ARHGAP15: variants seen among roughly 807,000 people sequenced by gnomAD.
ARHGAP15 encodes rho GTPase-activating protein 15.
Under a neutral mutation model 63.7 loss-of-function variants are expected in ARHGAP15, and 51 were observed. The observed-to-expected ratio is 0.80, with a 90% CI of 0.64 to 1.01. ARHGAP15 has a LOEUF of 1.01. Among genes scored for constraint, ARHGAP15 ranks in the 50% least tolerant of loss-of-function variants. The pLI, the probability that ARHGAP15 is intolerant of heterozygous loss-of-function variation, is 0.00. For synonymous variants in ARHGAP15, 191 were observed against 193.8 expected (o/e 0.99, Z 0.12); for missense variants, 560 against 564.6 (o/e 0.99, Z 0.08).
intron 10 of ARHGAP15, among the ~76,000 whole-genome samples, chr2:143,556,124 A>G (rs1422306956): frequency 1.3e-5 from 2 of 152,012 alleles, no homozygotes; most frequent in Non-Finnish European, 2.9e-5. Flanking sequence ...TTGGATTCCT[A>G]TATTTTCCTT....
At chr2:143,692,359 A>T (rs567995187) in intron 12 of ARHGAP15, among the ~76,000 whole-genome samples, 1 of 152,200 alleles carries the variant, frequency 6.6e-6, no homozygotes, top group Non-Finnish European at 1.5e-5. Context: ...GTCTGCCTGC[A>T]CTGTGCCTGG....
At position 143,266,409 on chromosome 2, in the gene ARHGAP15, T is replaced by TA. The variant is rs1405245235; in HGVS notation, c.474+15810dup. On this transcript the variant is annotated intron_variant, in intron 6 of 13. Transcript: ENST00000295095. ...GCAAGTAACTAAGACTTGGATTATGTAGAGTGCTTACTTTCTATTGGTGAA... is the reference window on the plus strand; with the variant it reads ...GCAAGTAACTAAGACTTGGATTATGTAAGAGTGCTTACTTTCTATTGGTGAA... Among the ~76,000 whole-genome samples, 6 of 152,290 alleles carry TA rather than the reference T, an allele frequency of 3.9e-5. No homozygotes were observed. In the East Asian group the frequency reaches 9.6e-4, roughly 24 times the overall value.
In ARHGAP15 at chr2:143,280,363, G is replaced by A. The variant is rs114662829; in HGVS notation, c.474+29763G>A. Among the ~76,000 whole-genome samples the A allele has an allele frequency of 6.3e-3, 951 of 152,154 alleles. 9 individuals carry two copies. The highest frequency in any genetic ancestry group is 0.02 in the African/African-American group (831 of 41,522). On this transcript the variant is annotated intron_variant, in intron 6 of 13. Transcript: ENST00000295095. ...TTAGGGGAAAAGCCTTTACCTTGCC[G>A]GAGGATAGAGTGAAGAAGAAAATCA... is the stretch of plus-strand genomic sequence containing the variant.
intron 12 of ARHGAP15, among the ~76,000 whole-genome samples, chr2:143,664,029 C>G (rs1309855551): frequency 8.6e-5 from 13 of 150,872 alleles, no homozygotes; most frequent in Non-Finnish European, 1.6e-4. Context: ...CAAGGATACC[C>G]AGGAATTGAA....
At chr2:143,552,305 G>A (rs904469870) in intron 10 of ARHGAP15, among the ~76,000 whole-genome samples, 2 of 152,002 alleles carry the variant, frequency 1.3e-5, no homozygotes, top group Non-Finnish European at 1.5e-5. Context: ...CCATCATTCG[G>A]GCTACCAAAA....
intron 8 of ARHGAP15, among the ~76,000 whole-genome samples, chr2:143,446,898 A>G (rs1346882719): frequency 2.0e-5 from 3 of 151,302 alleles, no homozygotes; most frequent in Non-Finnish European, 1.5e-5. Context: ...TTGTTCTTGC[A>G]ATAGTTTGCT....
intron 13 of ARHGAP15, among the ~76,000 whole-genome samples, chr2:143,766,444 A>G (rs1312399935): frequency 6.6e-5 from 10 of 152,152 alleles, no homozygotes; most frequent in Non-Finnish European, 1.3e-4. Flanking sequence ...ATTTTACTTC[A>G]CAATGGCCCC....
intron 11 of ARHGAP15, among the ~76,000 whole-genome samples, chr2:143,569,414 G>A (rs1696366723): frequency 6.6e-6 from 1 of 152,170 alleles, no homozygotes; most frequent in Non-Finnish European, 1.5e-5. Context: ...GGGTGAGGTG[G>A]CCCTTGATTA....
At chr2:143,724,935 A>C (rs1685215282) in intron 13 of ARHGAP15, among the ~76,000 whole-genome samples, 1 of 152,226 alleles carries the variant, frequency 6.6e-6, no homozygotes, top group East Asian at 1.9e-4. Context: ...TTCAATCAGA[A>C]ATGTCTAATA....
chr2:143,702,134 C>G (rs1328546492), intron 12 of ARHGAP15, among the ~76,000 whole-genome samples: 1 of 152,150 alleles, frequency 6.6e-6, no homozygotes, highest in Non-Finnish European at 1.5e-5. Flanking sequence ...TATTTTCCAG[C>G]TGTGGCCTGT....
intron 11 of ARHGAP15, among the ~76,000 whole-genome samples, chr2:143,575,472 C>T (rs982603445): frequency 3.9e-5 from 6 of 152,076 alleles, no homozygotes; most frequent in Admixed American, 6.6e-5. Flanking sequence ...TATGTTTCTG[C>T]GCCTTCCTGC....
At chr2:143,183,901 A>G (rs1276484411) in intron 2 of ARHGAP15, among the ~76,000 whole-genome samples, 3 of 152,136 alleles carry the variant, frequency 2.0e-5, no homozygotes, top group Non-Finnish European at 4.4e-5. Context: ...GGAATGTAAG[A>G]TTAGGCAAAC....
intron 11 of ARHGAP15, among the ~76,000 whole-genome samples, chr2:143,614,929 T>G (rs919915382): frequency 3.9e-5 from 6 of 152,192 alleles, no homozygotes; most frequent in African/African-American, 1.4e-4. Flanking sequence ...GCCAGAATAA[T>G]TAAGATGATA....
At chr2:143,657,207 C>T (rs1422050420) in intron 12 of ARHGAP15, among the ~76,000 whole-genome samples, 1 of 152,066 alleles carries the variant, frequency 6.6e-6, no homozygotes, top group Non-Finnish European at 1.5e-5. Context: ...ATTAGCCGGG[C>T]GTTGCGGCTG....
At position 143,160,473 on chromosome 2, in the gene ARHGAP15, C is replaced by A. The variant is rs558410116; in HGVS notation, c.165+4818C>A. 1.3e-5 allele frequency among the ~76,000 whole-genome samples: 2 copies of A among 152,016 alleles called. 1 individual carries two copies. The highest frequency in any genetic ancestry group is 4.8e-5 in the African/African-American group (2 of 41,516). On this transcript the variant is annotated intron_variant, in intron 2 of 13. Coordinates refer to ENST00000295095, the MANE Select transcript of ARHGAP15 (RefSeq NM_018460.4). ...CTACACAATAATGTGTCTTCCACTG[C>A]AATTTTCTTTACCACTGGGAGGGCA...
intron 11 of ARHGAP15, among the ~76,000 whole-genome samples, chr2:143,622,365 A>G: frequency 6.6e-6 from 1 of 152,084 alleles, no homozygotes; most frequent in East Asian, 1.9e-4. Context: ...GTGGCACCAT[A>G]GTGAGAGGGA....
intron 2 of ARHGAP15, among the ~76,000 whole-genome samples, chr2:143,194,296 C>T (rs16858783): frequency 0.046 from 6,959 of 152,160 alleles, 251 homozygotes; most frequent in East Asian, 0.18. Flanking sequence ...TATCCACCTA[C>T]GTTTTCTTAA....
At chr2:143,379,302 A>C (rs746986397) in intron 6 of ARHGAP15, among the ~76,000 whole-genome samples, 1 of 152,050 alleles carries the variant, frequency 6.6e-6, no homozygotes, top group East Asian at 1.9e-4. Context: ...TTCATAGTAA[A>C]ATGACCCACA....
At chr2:143,141,517 G>C (rs970497337) in intron 1 of ARHGAP15, among the ~76,000 whole-genome samples, 1 of 152,074 alleles carries the variant, frequency 6.6e-6, no homozygotes, top group African/African-American at 2.4e-5. Flanking sequence ...ATAATTATCT[G>C]CCAAAATATA....
Sources: allele counts gnomAD v4.1 joint callset (sites outside exome capture counted in the v4.1 genomes callset), GRCh38; gene constraint gnomAD v4.1.1; transcripts MANE v1.5; gene names NCBI Gene and HGNC (gene_info 2026-07-23, HGNC 2026-07-21).